The following GIGYF2 variants were observed in gnomAD, a reference collection of about 807,000 sequenced individuals.
GIGYF2 encodes the protein GRB10 interacting GYF protein 2.
A neutral mutation model predicts 208.1 loss-of-function variants in GIGYF2; 25 were observed. The ratio of observed to expected loss-of-function variants is 0.12; its 90% CI spans 0.09 to 0.17. The LOEUF (loss-of-function observed/expected upper bound fraction) is 0.17. Among genes scored for constraint, GIGYF2 ranks in the 10% least tolerant of loss-of-function variants. GIGYF2 has a pLI of 1.00. For missense variants in GIGYF2, 1,302 were observed against 1,579.4 expected (o/e 0.82, Z 2.98); for synonymous variants, 534 against 543.8 (o/e 0.98, Z 0.25).
intron 8 of GIGYF2, among the ~76,000 whole-genome samples, chr2:232,765,015 A>G (rs1698899044): frequency 6.6e-6 from 1 of 152,234 alleles, no homozygotes; most frequent in Non-Finnish European, 1.5e-5. Flanking sequence ...TAAGGATACT[A>G]ACTTCTAGTT....
intron 15 of GIGYF2, 35 bp from the exon 16 acceptor site, chr2:232,809,685 T>G (rs1357269811): frequency 8.2e-7 from 1 of 1,224,560 alleles, no homozygotes; most frequent in South Asian, 1.2e-5. Context: ...GCAGTTTATT[T>G]AATGGTATTT....
At chr2:232,854,598 A>G (rs1559172095) in intron 28 of GIGYF2, among the ~76,000 whole-genome samples, 2 of 152,178 alleles carry the variant, frequency 1.3e-5, no homozygotes, top group African/African-American at 2.4e-5. Context: ...GATGGGGTCA[A>G]ACTCAGGATG....
intron 19 of GIGYF2, 135 bp from the exon 20 acceptor site, chr2:232,816,736 A>C (rs767160741): frequency 1.4e-6 from 1 of 722,710 alleles, no homozygotes; most frequent in South Asian, 1.5e-5. Context: ...TTATCTATTG[A>C]TCTGTTGGAT....
At chr2:232,764,313 C>G (rs753050390) in intron 8 of GIGYF2, 6 of 152,204 alleles carry the variant, frequency 3.9e-5, no homozygotes, top group Non-Finnish European at 8.8e-5. Flanking sequence ...TGCTGATGTC[C>G]TCTCAGCCAT....
intron 8 of GIGYF2, among the ~76,000 whole-genome samples, chr2:232,774,869 A>G (rs1037022371): frequency 9.2e-5 from 14 of 152,340 alleles, no homozygotes; most frequent in Middle Eastern, 3.4e-3. Flanking sequence ...GCCTTTCTGT[A>G]TAGACTGTAG....
At chr2:232,811,376 C>CA in intron 17 of GIGYF2, 25 bp downstream of exon 17, 1 of 1,208,704 alleles carries the variant, frequency 8.3e-7, no homozygotes, top group Non-Finnish European at 1.2e-6. Context: ...CATTATGTGT[C>CA]ATATGGGGTG....
At chr2:232,830,961 G>T (rs1390360482) in intron 21 of GIGYF2, among the ~76,000 whole-genome samples, 3 of 152,140 alleles carry the variant, frequency 2.0e-5, no homozygotes, top group African/African-American at 7.2e-5. Flanking sequence ...AGAAATATTG[G>T]TTAGTATATT....
chr2:232,739,369 C>T (rs868527905), intron 3 of GIGYF2, among the ~76,000 whole-genome samples: 2 of 136,162 alleles, frequency 1.5e-5, no homozygotes, highest in East Asian at 2.2e-4. Context: ...AAACCCCCCC[C>T]CCCCCGCAAA....
At chr2:232,753,830 A>T (rs1313932336) in intron 5 of GIGYF2, among the ~76,000 whole-genome samples, 3 of 152,150 alleles carry the variant, frequency 2.0e-5, no homozygotes, top group South Asian at 4.1e-4. Flanking sequence ...TAGGTTGACC[A>T]TAGGACATTG....
rs1395820692 is a variant in GIGYF2 at position 232,858,250 on chromosome 2, T to C, written c.*1390T>C. On this transcript the variant is annotated 3_prime_UTR_variant, in exon 29 of 29. Transcript: ENST00000373563. ...GCAGCCCCTGGAAAAGCACCTTTGC[T>C]GCCTGTCATTGTTGCCTGAAGAAGG... The C allele has an allele frequency of 1.8e-5, 6 of 342,458 alleles. No individual in the cohort carries two copies. Among genetic ancestry groups the C allele is most frequent in the African/African-American group, 1.3e-4 (6 of 46,128 alleles). The allele number at this position is 342,458 out of a possible 1,614,324, so 21.2% of individuals were successfully genotyped here.
chr2:232,760,368 G>A lies in GIGYF2; in HGVS notation c.380-112G>A, dbSNP rs1698702144. On this transcript the variant is annotated intron_variant, in intron 6 of 28. Transcript: ENST00000373563. ...ATCAGGCCTCGTTCAGTATTTAAAT[G>A]TAGATGTCCTGCCTTGTATAGAGAT... is the stretch of plus-strand genomic sequence containing the variant. The A allele has an allele frequency of 4.0e-6, 3 of 745,378 alleles. No individual in the cohort carries two copies. In the East Asian group the frequency reaches 8.1e-5, roughly 20 times the overall value. 46.2% of individuals were successfully genotyped at this position (745,378 alleles called of 1,614,324 possible).
chr2:232,730,604 TAA>T (rs35629015), intron 2 of GIGYF2, among the ~76,000 whole-genome samples: 4 of 113,096 alleles, frequency 3.5e-5, no homozygotes, highest in African/African-American at 6.7e-5. Context: ...GACTCAGTCT[TAA>T]AAAAAAAAAA....
chr2:232,715,835 T>TTA lies in GIGYF2; in HGVS notation c.-44+12346_-44+12347insTA, dbSNP rs11399343. On this transcript the variant is annotated intron_variant, in intron 2 of 28. Coordinates refer to ENST00000373563, the MANE Select transcript of GIGYF2 (RefSeq NM_001103146.3). Reference sequence around the variant, plus strand: ...GAAGAATTTCCTTTTTTTTTTTTTTTAACCTTAAAATTCGTCTTAAACCAA... The same window carrying TTA: ...GAAGAATTTCCTTTTTTTTTTTTTTTTAAACCTTAAAATTCGTCTTAAACCAA... Among the ~76,000 whole-genome samples, 4 of 151,648 alleles carry TTA rather than the reference T, an allele frequency of 2.6e-5. No individual in the cohort carries two copies. The East Asian group carries it at 7.7e-4, about 29-fold the overall frequency.
chr2:232,741,434 C>CTTTTTTTTTTT (rs112967383), intron 3 of GIGYF2, among the ~76,000 whole-genome samples: 1 of 145,134 alleles, frequency 6.9e-6, no homozygotes. Context: ...TCCTGGCTTC[C>CTTTTTTTTTTT]TTTTTTTTTT....
At chr2:232,784,145 G>A (rs536358931) in intron 8 of GIGYF2, among the ~76,000 whole-genome samples, 4 of 152,106 alleles carry the variant, frequency 2.6e-5, no homozygotes, top group Admixed American at 1.3e-4. Context: ...TAAAAAGCCT[G>A]TTTAGGGCAA....
intron 6 of GIGYF2, among the ~76,000 whole-genome samples, chr2:232,758,537 A>C (rs990612156): frequency 7.9e-5 from 12 of 152,184 alleles, no homozygotes; most frequent in Admixed American, 7.2e-4. Flanking sequence ...TTCCTTATTC[A>C]TGTATGGGAA....
rs1003094179 is a variant in GIGYF2, at chr2:232,800,845, G to C, written c.1639+4624G>C. Among the ~76,000 whole-genome samples, 4 of 152,088 alleles carry C rather than the reference G, an allele frequency of 2.6e-5. No individual in the cohort carries two copies. The East Asian group carries it at 7.7e-4, about 29-fold the overall frequency. On this transcript the variant is annotated intron_variant, in intron 14 of 28. Coordinates refer to ENST00000373563, the MANE Select transcript of GIGYF2 (RefSeq NM_001103146.3). ...ACCAGAGGACTGCTTGAGTCCAGGA[G>C]TTTGAGATCAGCCTGGGCAACATAG...
chr2:232,699,643 A>C (rs1322436159), intron 1 of GIGYF2, among the ~76,000 whole-genome samples: 1 of 152,248 alleles, frequency 6.6e-6, no homozygotes, highest in African/African-American at 2.4e-5. Context: ...ATTGCTTTAC[A>C]AGAAGGAGGC....
At chr2:232,853,535 AGTGCTGGGATTATAAGGGTGAGCCACC>A (rs1354726570) in intron 28 of GIGYF2, among the ~76,000 whole-genome samples, 1 of 152,178 alleles carries the variant, frequency 6.6e-6, no homozygotes, top group East Asian at 1.9e-4. Context: ...GGCCTGCCAA[AGTGCTGGGATTATAAGGGTGAGCCACC>A]GTGCCCGGCT....
Sources: gnomAD v4.1 joint callset for allele counts (sites outside exome capture counted in the v4.1 genomes callset) on GRCh38, gnomAD v4.1.1 for gene constraint, MANE v1.5 for transcripts, NCBI Gene and HGNC (gene_info 2026-07-23, HGNC 2026-07-21) for gene names.